UMOD: variants seen among roughly 807,000 people sequenced by gnomAD.
UMOD encodes uromodulin, also known as Tamm-Horsfall urinary glycoprotein.
Under a neutral mutation model 66.0 loss-of-function variants are expected in UMOD, and 64 were observed. The ratio of observed to expected loss-of-function variants is 0.97; its 90% CI spans 0.79 to 1.19. The LOEUF is 1.19. Among genes scored for constraint, UMOD ranks in the 50% most tolerant of loss-of-function variants. UMOD has a pLI of 0.00. For missense variants in UMOD, 764 were observed against 850.9 expected (o/e 0.90, Z 1.27); for synonymous variants, 398 against 352.7 (o/e 1.13, Z -1.44).
rs746435804 is a variant in UMOD at position 20,348,683 on chromosome 16, C to T, written c.618G>A (p.Val206=). 1.9e-6 allele frequency: 3 copies of T among 1,554,830 alleles called. No individual in the cohort carries two copies. Among genetic ancestry groups the T allele is most frequent in the South Asian group, 2.4e-5 (2 of 84,988 alleles). The change falls in exon 3 of 11, where the codon GTG becomes GTA. Residue 206 remains valine, a synonymous_variant. Transcript: ENST00000396138. The stretch of plus-strand genomic sequence containing the variant: ...CGGCCATGCGCGCACCGCCCTGGCC[C>T]ACGAAGCGGTACCAGCCGCGCAGGT... ...DTDLRGWYRF[V]GQGGARMAET... is the part of the protein sequence containing the mutation.
At chr16:20,340,461 T>C (rs1965133326) in intron 7 of UMOD, among the ~76,000 whole-genome samples, 1 of 101,250 alleles carries the variant, frequency 9.9e-6, no homozygotes, top group East Asian at 6.7e-4. Flanking sequence ...TGTATATATA[T>C]GTGTGTGTGT....
intron 7 of UMOD, 132 bp downstream of exon 7, chr16:20,340,959 A>C (rs1291614875): frequency 1.9e-6 from 2 of 1,039,512 alleles, no homozygotes; most frequent in East Asian, 5.3e-5. Flanking sequence ...ACACCATTGC[A>C]CTCCAACCTT....
chr16:20,333,258 C>G lies in UMOD; in HGVS notation c.*56G>C. The G allele has an allele frequency of 6.4e-7, 1 of 1,563,992 alleles. No individual in the cohort carries two copies. Among genetic ancestry groups the G allele is most frequent in the Non-Finnish European group, 8.8e-7 (1 of 1,140,748 alleles). On this transcript the variant is annotated 3_prime_UTR_variant, in exon 11 of 11. Transcript: ENST00000396138. ...TGGAGCACTGGCCCGCATCATGCCC[C>G]CTGCCCAGCAGGAGGTGAGATGGCA...
intron 10 of UMOD, among the ~76,000 whole-genome samples, chr16:20,333,768 T>C (rs541952389): frequency 6.6e-6 from 1 of 152,134 alleles, no homozygotes; most frequent in East Asian, 1.9e-4. Context: ...GTGGGGTGGC[T>C]CACATCTTTA....
intron 9 of UMOD, among the ~76,000 whole-genome samples, 168 bp downstream of exon 9, chr16:20,336,478 G>A (rs1340249941): frequency 6.6e-6 from 1 of 152,188 alleles, no homozygotes; most frequent in African/African-American, 2.4e-5. Flanking sequence ...TGTATGAATG[G>A]GAATAGTGAA....
intron 10 of UMOD, among the ~76,000 whole-genome samples, chr16:20,334,604 A>T (rs761583661): frequency 6.6e-6 from 1 of 152,140 alleles, no homozygotes; most frequent in Non-Finnish European, 1.5e-5. Flanking sequence ...CTATTGGGAC[A>T]CAGCATAGGT....
In UMOD at chr16:20,337,467, A is replaced by T; in HGVS notation, c.1578-14T>A. On this transcript the variant is annotated splice_polypyrimidine_tract_variant and intron_variant, in intron 7 of 10. Coordinates refer to ENST00000396138, the MANE Select transcript of UMOD (RefSeq NM_003361.4). ...GTGTGTGGGCATCTGGGAGGGTTACACATCATTTAATGTGGTTGGTTAAAT... is the reference window on the plus strand; with the variant it reads ...GTGTGTGGGCATCTGGGAGGGTTACTCATCATTTAATGTGGTTGGTTAAAT... 6.2e-7 allele frequency: 1 copy of T among 1,614,178 alleles called. No individual in the cohort carries two copies. The highest frequency in any genetic ancestry group is 8.5e-7 in the Non-Finnish European group (1 of 1,180,030).
At chr16:20,351,310 C>A (rs944577789) in intron 1 of UMOD, 1 of 179,234 alleles carries the variant, frequency 5.6e-6, no homozygotes, top group Non-Finnish European at 1.2e-5. Context: ...ACTCACATAT[C>A]GTAAAGAAGT....
intron 7 of UMOD, among the ~76,000 whole-genome samples, chr16:20,337,958 T>G (rs900379376): frequency 3.9e-4 from 60 of 152,056 alleles, no homozygotes; most frequent in African/African-American, 1.3e-3. Context: ...AAACCCGAAA[T>G]AGAGCATGCA....
At chr16:20,346,593 G>T (rs916984773) in intron 4 of UMOD, among the ~76,000 whole-genome samples, 1 of 152,154 alleles carries the variant, frequency 6.6e-6, no homozygotes, top group African/African-American at 2.4e-5. Context: ...CGGTTTTGGG[G>T]GGTTTTGATG....
At chr16:20,354,198 T>C (rs1398294216), upstream of UMOD, among the ~76,000 whole-genome samples, 1 of 152,190 alleles carries the variant, frequency 6.6e-6, no homozygotes, top group Non-Finnish European at 1.5e-5. Flanking sequence ...CTATTGTGAA[T>C]TGCTCTTTTC....
rs1476459033 is a variant in UMOD, at chr16:20,344,083, T to A, written c.1272A>T (p.Ala424=). 3 of 1,613,518 alleles carry A rather than the reference T, an allele frequency of 1.9e-6. No homozygotes were observed. The highest frequency in any genetic ancestry group is 2.5e-6 in the Non-Finnish European group (3 of 1,179,964). ...IRDLNIKINF[A]CSYPLDMKVS... ...CTTTCATGTCCAGGGGGTAGGAGCA[T>A]GCAAAGTTGATTTTGATGTTGAGGT... The change falls in exon 6 of 11, where the codon GCA becomes GCT. Residue 424 remains alanine (A), a synonymous_variant. Transcript: ENST00000396138.
Position 20,349,020 on chromosome 16 carries a change from CA to C in UMOD, c.280del (p.Cys94AlafsTer150), listed in dbSNP as rs2141676552. ...VNTPGSFSCV[C>X]PEGFRLSPGL... ...GGGCGACAGGCGGAAGCCTTCGGGGCAGACGCAGGAGAAGGAGCCTGGCGTG... is the reference window on the plus strand; with the variant it reads ...GGGCGACAGGCGGAAGCCTTCGGGGCGACGCAGGAGAAGGAGCCTGGCGTG... On this transcript the variant is annotated frameshift_variant, in exon 3 of 11. Coordinates refer to ENST00000396138, the MANE Select transcript of UMOD (RefSeq NM_003361.4). LOFTEE classifies it high-confidence loss of function. 13 of 1,589,162 alleles carry C rather than the reference CA, an allele frequency of 8.2e-6. No homozygotes were observed. Among genetic ancestry groups the C allele is most frequent in the Non-Finnish European group, 1.1e-5 (13 of 1,167,964 alleles).
intron 5 of UMOD, among the ~76,000 whole-genome samples, chr16:20,345,250 G>C (rs1965475356): frequency 6.6e-6 from 1 of 152,236 alleles, no homozygotes; most frequent in African/African-American, 2.4e-5. Context: ...CTGACCTCAA[G>C]TTATCCACCC....
At chr16:20,341,367 C>G (rs370774157) in intron 6 of UMOD, 31 bp from the exon 7 acceptor site, 50 of 1,610,560 alleles carry the variant, frequency 3.1e-5, no homozygotes, top group Admixed American at 8.3e-5. Flanking sequence ...GTGAGAGGAC[C>G]GGGCTGAGAA....
At chr16:20,344,558 G>A (rs1338575650) in intron 5 of UMOD, among the ~76,000 whole-genome samples, 4 of 149,438 alleles carry the variant, frequency 2.7e-5, no homozygotes, top group Non-Finnish European at 5.9e-5. Context: ...AGCCAAGATC[G>A]TGCCACTGCA....
rs1229290175 is a variant in UMOD, at chr16:20,336,762, T to C, written c.1741-35A>G. Reference sequence around the variant, plus strand: ...GAGGGCAATAGAAAAACACCCTCCATGAAGGAGCCTGAATGTGGTTCTGCC... The same window carrying C: ...GAGGGCAATAGAAAAACACCCTCCACGAAGGAGCCTGAATGTGGTTCTGCC... On this transcript the variant is annotated intron_variant, in intron 8 of 10. Coordinates refer to ENST00000396138, the MANE Select transcript of UMOD (RefSeq NM_003361.4). 2.1e-5 allele frequency: 34 copies of C among 1,593,322 alleles called. No homozygotes were observed. The Admixed American group carries it at 5.3e-4, about 25-fold the overall frequency.
At chr16:20,346,369 C>T (rs754745594) in intron 4 of UMOD, 35 bp from the exon 5 acceptor site, 1 of 1,612,086 alleles carries the variant, frequency 6.2e-7, no homozygotes, top group South Asian at 1.1e-5. Flanking sequence ...GGACGTGTGT[C>T]TATAGCTTGG....
At position 20,349,227 on chromosome 16, in the gene UMOD, G is replaced by A. The variant is rs1266532150; in HGVS notation, c.89-15C>T. 5.0e-6 allele frequency: 8 copies of A among 1,611,510 alleles called. No homozygotes were observed. Among genetic ancestry groups the A allele is most frequent in the Non-Finnish European group, 5.9e-6 (7 of 1,179,512 alleles). On this transcript the variant is annotated splice_polypyrimidine_tract_variant and intron_variant, in intron 2 of 10. Transcript: ENST00000396138. Reference sequence around the variant, plus strand: ...AGAGCACCATCCTGTGGACAGAAAAGCCCAGCTTCAGGGTTTGGGCAGCTG... The same window carrying A: ...AGAGCACCATCCTGTGGACAGAAAAACCCAGCTTCAGGGTTTGGGCAGCTG...
Sources: allele counts gnomAD v4.1 joint callset (sites outside exome capture counted in the v4.1 genomes callset), GRCh38; gene constraint gnomAD v4.1.1; transcripts MANE v1.5; gene names NCBI Gene and HGNC (gene_info 2026-07-23, HGNC 2026-07-21).